SPON1: variants seen among roughly 807,000 people sequenced by gnomAD.
The protein encoded by SPON1 is spondin 1, also known as spondin-1.
SPON1 carries 52 observed loss-of-function variants against 111.7 expected under a neutral mutation model. The observed-to-expected ratio is 0.47, with a 90% CI of 0.37 to 0.59. The LOEUF (loss-of-function observed/expected upper bound fraction) is 0.59, where lower values mean the gene tolerates loss of function less well. Among genes scored for constraint, SPON1 ranks in the 20% least tolerant of loss-of-function variants. The pLI, the probability that SPON1 is intolerant of heterozygous loss-of-function variation, is 0.00. For missense variants in SPON1, 957 were observed against 1,068.5 expected (o/e 0.90, Z 1.46); for synonymous variants, 410 against 395.8 (o/e 1.04, Z -0.43).
At position 14,159,826 on chromosome 11, in the gene SPON1, A is replaced by G. The variant is rs1384927700; in HGVS notation, c.825+24258A>G. 2.0e-5 allele frequency among the ~76,000 whole-genome samples: 3 copies of G among 151,360 alleles called. No homozygotes were observed. In the East Asian group the frequency reaches 5.8e-4, roughly 29 times the overall value. On this transcript the variant is annotated intron_variant, in intron 6 of 15. Transcript: ENST00000576479. ...ATGTTCTCACTTATTTATGAGATCT[A>G]AAAATCAAAACAATTGAACTCCTGG...
At chr11:13,997,342 A>C (rs1053632342) in intron 2 of SPON1, among the ~76,000 whole-genome samples, 1 of 152,256 alleles carries the variant, frequency 6.6e-6, no homozygotes, top group African/African-American at 2.4e-5. Context: ...TGGAATCATT[A>C]GATCATTGGA....
At chr11:13,976,713 A>G (rs1848106194) in intron 1 of SPON1, among the ~76,000 whole-genome samples, 1 of 152,234 alleles carries the variant, frequency 6.6e-6, no homozygotes, top group South Asian at 2.1e-4. Context: ...TATAACTTAC[A>G]TAAGGAAAAG....
intron 6 of SPON1, among the ~76,000 whole-genome samples, chr11:14,148,440 A>T (rs1847749413): frequency 6.6e-6 from 1 of 151,748 alleles, no homozygotes; most frequent in Admixed American, 6.6e-5. Flanking sequence ...TTTTTGTGCT[A>T]TCTATTCAAA....
chr11:14,256,848 G>A (rs1191479289), intron 10 of SPON1, among the ~76,000 whole-genome samples, 156 bp downstream of exon 10: 1 of 152,146 alleles, frequency 6.6e-6, no homozygotes, highest in Admixed American at 6.5e-5. Context: ...CAAAAACAAG[G>A]CCAAGGTTAG....
intron 6 of SPON1, among the ~76,000 whole-genome samples, chr11:14,160,636 T>C (rs1278974291): frequency 3.2e-5 from 1 of 30,988 alleles, no homozygotes; most frequent in African/African-American, 1.2e-4. Context: ...TATTTATATA[T>C]ATTTACATAT....
chr11:13,989,605 T>TC, intron 2 of SPON1, among the ~76,000 whole-genome samples: 1 of 152,344 alleles, frequency 6.6e-6, no homozygotes, highest in African/African-American at 2.4e-5. Flanking sequence ...ATTTGTTTGC[T>TC]GTTGCTTCTC....
intron 6 of SPON1, among the ~76,000 whole-genome samples, chr11:14,227,719 A>G (rs1848755470): frequency 6.6e-6 from 1 of 152,200 alleles, no homozygotes; most frequent in Non-Finnish European, 1.5e-5. Context: ...AAGGTAGATT[A>G]TTATCCCCAT....
intron 2 of SPON1, among the ~76,000 whole-genome samples, chr11:14,033,990 T>C (rs1162279500): frequency 6.6e-6 from 1 of 152,096 alleles, no homozygotes; most frequent in African/African-American, 2.4e-5. Flanking sequence ...ATAGAAATGT[T>C]ATCATTGGAA....
chr11:14,140,538 G>GC (rs1332295868), intron 6 of SPON1, among the ~76,000 whole-genome samples: 2 of 152,104 alleles, frequency 1.3e-5, no homozygotes, highest in African/African-American at 4.8e-5. Flanking sequence ...GGGATTACAG[G>GC]CGCCTGCCAT....
intron 6 of SPON1, among the ~76,000 whole-genome samples, chr11:14,198,987 G>A (rs1554935347): frequency 6.6e-6 from 1 of 152,170 alleles, no homozygotes; most frequent in Non-Finnish European, 1.5e-5. Context: ...ACTTGAGTTA[G>A]TTTTGTTCCT....
intron 6 of SPON1, among the ~76,000 whole-genome samples, chr11:14,147,978 G>A (rs1037132454): frequency 3.9e-4 from 59 of 152,238 alleles, no homozygotes; most frequent in African/African-American, 1.3e-3. Context: ...TACAATTTTT[G>A]ATCTGTTAGA....
chr11:13,981,419 C>T (rs1344942374), intron 1 of SPON1, among the ~76,000 whole-genome samples: 17 of 152,132 alleles, frequency 1.1e-4, no homozygotes, highest in Admixed American at 7.9e-4. Flanking sequence ...CTCCACCTCC[C>T]GGGTTCACAC....
chr11:14,260,791 T>G, intron 14 of SPON1, 39 bp downstream of exon 14: 2 of 1,595,264 alleles, frequency 1.3e-6, no homozygotes, highest in Non-Finnish European at 1.7e-6. Flanking sequence ...CACTTCTATG[T>G]TCCTGAGTCC....
At chr11:14,107,931 G>A (rs189055568) in intron 5 of SPON1, among the ~76,000 whole-genome samples, 1 of 152,246 alleles carries the variant, frequency 6.6e-6, no homozygotes, top group Non-Finnish European at 1.5e-5. Flanking sequence ...ACTTACTAGA[G>A]GGGCTTATGG....
chr11:14,072,328 T>G (rs1417243313), intron 3 of SPON1, among the ~76,000 whole-genome samples: 1 of 152,092 alleles, frequency 6.6e-6, no homozygotes, highest in Non-Finnish European at 1.5e-5. Flanking sequence ...AAATACATGT[T>G]TTTCATCTCT....
intron 6 of SPON1, among the ~76,000 whole-genome samples, chr11:14,147,313 C>T (rs1420721082): frequency 2.0e-5 from 3 of 151,970 alleles, no homozygotes; most frequent in African/African-American, 4.8e-5. Context: ...GGATTACAGG[C>T]GTGAGTCACT....
intron 3 of SPON1, among the ~76,000 whole-genome samples, chr11:14,064,254 AT>A (rs1367788843): frequency 2.0e-5 from 3 of 152,376 alleles, no homozygotes; most frequent in African/African-American, 7.2e-5. Flanking sequence ...AATACAAGAT[AT>A]TAAATAAAGT....
At chr11:14,235,784 C>A (rs1432672001) in intron 6 of SPON1, among the ~76,000 whole-genome samples, 3 of 150,938 alleles carry the variant, frequency 2.0e-5, no homozygotes, top group African/African-American at 7.3e-5. Context: ...AATAGGGATG[C>A]TGAGTCAAAA....
intron 5 of SPON1, among the ~76,000 whole-genome samples, chr11:14,131,820 A>G (rs1312276820): frequency 3.9e-5 from 6 of 152,082 alleles, no homozygotes; most frequent in Non-Finnish European, 1.5e-5. Context: ...TTGCACCTGA[A>G]TGACTGCTGC....
Sources: gnomAD v4.1 joint callset for allele counts (sites outside exome capture counted in the v4.1 genomes callset) on GRCh38, gnomAD v4.1.1 for gene constraint, MANE v1.5 for transcripts, NCBI Gene and HGNC (gene_info 2026-07-23, HGNC 2026-07-21) for gene names.